The following MICU3 variants were observed in gnomAD, a reference collection of about 807,000 sequenced individuals.
MICU3 encodes calcium uptake protein 3, mitochondrial.
A neutral mutation model predicts 66.5 loss-of-function variants in MICU3; 62 were observed. The observed-to-expected ratio is 0.93, with a 90% CI of 0.76 to 1.15. The LOEUF is 1.15. Ranked by LOEUF, MICU3 falls within the 50% of genes most tolerant of loss-of-function variation. The pLI, the probability that MICU3 is intolerant of heterozygous loss-of-function variation, is 0.00. For synonymous variants in MICU3, 308 were observed against 240.7 expected (o/e 1.28, Z -2.59); for missense variants, 779 against 664.4 (o/e 1.17, Z -1.90).
chr8:17,116,585 C>A lies in MICU3; in HGVS notation c.1509C>A (p.Leu503=), dbSNP rs1164126280. The A allele has an allele frequency of 3.8e-6, 6 of 1,560,056 alleles. No homozygotes were observed. Among genetic ancestry groups the A allele is most frequent in the Admixed American group, 2.2e-5 (1 of 45,384 alleles). ...KEFIGIMKDR[L]HRGFRGYKTV... is the part of the protein sequence containing the mutation. ...TTATTGGAATTATGAAAGACAGACT[C>A]CATAGAGGATTCCGGGTAAACCTAC... is the stretch of plus-strand genomic sequence containing the variant. The change falls in exon 13 of 15, where the codon CTC becomes CTA. Residue 503 remains leucine, a synonymous_variant. Transcript: ENST00000318063.
chr8:17,036,985 C>T (rs966806806), intron 1 of MICU3, among the ~76,000 whole-genome samples: 9 of 152,348 alleles, frequency 5.9e-5, no homozygotes, highest in African/African-American at 1.4e-4. Flanking sequence ...TAAGGCTCGG[C>T]GAGAAATCGA....
At chr8:17,047,548 A>G (rs1314538877) in intron 1 of MICU3, among the ~76,000 whole-genome samples, 1 of 152,228 alleles carries the variant, frequency 6.6e-6, no homozygotes, top group Non-Finnish European at 1.5e-5. Context: ...GTCACATTGA[A>G]GTGAAACTGT....
At chr8:17,093,727 C>G (rs1380575021) in intron 8 of MICU3, among the ~76,000 whole-genome samples, 1 of 151,972 alleles carries the variant, frequency 6.6e-6, no homozygotes, top group African/African-American at 2.4e-5. Context: ...ATCCCTAGAT[C>G]TCTAGAAATG....
At chr8:17,052,204 AT>A (rs767904495) in intron 1 of MICU3, among the ~76,000 whole-genome samples, 5 of 151,788 alleles carry the variant, frequency 3.3e-5, no homozygotes, top group East Asian at 1.9e-4. Context: ...AGAGACTTAA[AT>A]TTTTTTTTGT....
At chr8:17,080,244 G>T (rs1820981812) in intron 4 of MICU3, among the ~76,000 whole-genome samples, 1 of 151,614 alleles carries the variant, frequency 6.6e-6, no homozygotes, top group Admixed American at 6.6e-5. Context: ...ATATATCATG[G>T]GTTTCACTTC....
chr8:17,058,658 T>A (rs941127799), intron 1 of MICU3, among the ~76,000 whole-genome samples: 1 of 152,230 alleles, frequency 6.6e-6, no homozygotes, highest in East Asian at 1.9e-4. Context: ...TTTTGACACT[T>A]TGATGGTCTG....
intron 1 of MICU3, among the ~76,000 whole-genome samples, chr8:17,055,945 G>A (rs1247514886): frequency 6.6e-6 from 1 of 152,192 alleles, no homozygotes; most frequent in Non-Finnish European, 1.5e-5. Flanking sequence ...AGCTAGACAT[G>A]TCTCTTAAGT....
intron 3 of MICU3, among the ~76,000 whole-genome samples, chr8:17,073,317 C>A (rs1262234817): frequency 6.6e-6 from 1 of 152,106 alleles, no homozygotes; most frequent in African/African-American, 2.4e-5. Context: ...CTGAGCTCTG[C>A]CTCCTGTTAG....
intron 8 of MICU3, among the ~76,000 whole-genome samples, chr8:17,092,947 A>G (rs1800233132): frequency 6.6e-6 from 1 of 152,068 alleles, no homozygotes. Context: ...AAGTTTCCTC[A>G]GGGAAAGCAG....
intron 11 of MICU3, among the ~76,000 whole-genome samples, chr8:17,113,467 A>G (rs1182568827): frequency 1.3e-5 from 2 of 152,180 alleles, no homozygotes; most frequent in Admixed American, 1.3e-4. Flanking sequence ...GGCCACCCTG[A>G]CCACCAGTCC....
chr8:17,050,667 G>A (rs1263489404), intron 1 of MICU3, among the ~76,000 whole-genome samples: 3 of 152,052 alleles, frequency 2.0e-5, no homozygotes, highest in Non-Finnish European at 4.4e-5. Flanking sequence ...TTTCCATTAT[G>A]TAATTTTAAG....
intron 4 of MICU3, among the ~76,000 whole-genome samples, chr8:17,078,254 G>A (rs1322629155): frequency 6.6e-6 from 1 of 151,802 alleles, no homozygotes. Flanking sequence ...TTTGCTCTGA[G>A]TGAATTATAG....
chr8:17,125,444 A>G (rs986810681), downstream of MICU3, among the ~76,000 whole-genome samples: 15 of 151,786 alleles, frequency 9.9e-5, no homozygotes, highest in African/African-American at 3.4e-4. Context: ...ATATCTGGCA[A>G]TCCTTTGGTA....
intron 11 of MICU3, among the ~76,000 whole-genome samples, chr8:17,112,545 C>G (rs368695188): frequency 4.6e-5 from 7 of 151,988 alleles, no homozygotes; most frequent in African/African-American, 1.7e-4. Context: ...TTTTATATTT[C>G]TAAACACAAA....
At chr8:17,120,259 G>A (rs1159630079) in intron 14 of MICU3, 29 bp from the exon 15 acceptor site, 1 of 151,690 alleles carries the variant, frequency 6.6e-6, no homozygotes, top group Non-Finnish European at 1.5e-5. Context: ...AATAAATATT[G>A]CTTTTGTGTT....
chr8:17,057,856 G>C (rs1817187600), intron 1 of MICU3, among the ~76,000 whole-genome samples: 1 of 151,810 alleles, frequency 6.6e-6, no homozygotes, highest in Non-Finnish European at 1.5e-5. Context: ...TGTTGTTGTT[G>C]TTGTTGTTGA....
In MICU3 at chr8:17,105,539, A is replaced by T; in HGVS notation, c.1212A>T (p.Thr404=). The T allele has an allele frequency of 3.2e-6, 5 of 1,566,120 alleles. No homozygotes were observed. Among genetic ancestry groups the T allele is most frequent in the Non-Finnish European group, 4.3e-6 (5 of 1,153,618 alleles). ...ILLRYTNVEN[T]SVFLENVRYS... Reference sequence around the variant, plus strand: ...TACGATATACAAATGTGGAAAATACATCAGTATTTTTAGAAAATGTGCGTT... The same window carrying T: ...TACGATATACAAATGTGGAAAATACTTCAGTATTTTTAGAAAATGTGCGTT... The change falls in exon 11 of 15, where the codon ACA becomes ACT. Residue 404 remains threonine, a synonymous_variant. Transcript: ENST00000318063.
chr8:17,080,210 C>T (rs1820975486), intron 4 of MICU3, among the ~76,000 whole-genome samples: 1 of 151,794 alleles, frequency 6.6e-6, no homozygotes, highest in African/African-American at 2.4e-5. Context: ...TTCTCTTTTC[C>T]TTGACCATTT....
At chr8:17,101,316 T>C (rs1801237320) in intron 9 of MICU3, among the ~76,000 whole-genome samples, 2 of 151,988 alleles carry the variant, frequency 1.3e-5, no homozygotes, top group Admixed American at 6.6e-5. Flanking sequence ...TATTTTTCTC[T>C]CAGTCCTTGG....
Sources: gnomAD v4.1 joint callset for allele counts (sites outside exome capture counted in the v4.1 genomes callset) on GRCh38, gnomAD v4.1.1 for gene constraint, MANE v1.5 for transcripts, NCBI Gene and HGNC (gene_info 2026-07-23, HGNC 2026-07-21) for gene names.